The following LEMD1 variants were observed in gnomAD, a reference collection of about 807,000 sequenced individuals.
LEMD1 encodes the protein LEM domain containing 1.
In LEMD1, 18 loss-of-function variants were observed where a neutral mutation model predicts 17.4. The observed-to-expected ratio is 1.04, with a 90% CI of 0.72 to 1.54. LEMD1 has a LOEUF of 1.54. Among genes scored for constraint, LEMD1 ranks in the 40% most tolerant of loss-of-function variants. The pLI is 0.00. For synonymous variants in LEMD1, 88 were observed against 77.8 expected, an observed-to-expected ratio of 1.13 and a Z score of -0.69; for missense variants, 195 against 210.4, an observed-to-expected ratio of 0.93 and a Z score of 0.45.
Position 205,420,616 on chromosome 1 carries a change from CA to C in LEMD1, c.-38-43del, listed in dbSNP as rs1574997607. 4 of 1,052,212 alleles carry C rather than the reference CA, an allele frequency of 3.8e-6. No individual in the cohort carries two copies. The East Asian group carries it at 9.6e-5, about 25-fold the overall frequency. The allele number at this position is 1,052,212 out of a possible 1,614,324, so 65.2% of individuals were successfully genotyped here. ...ATTAAATTCATTAAGACAGCCTTAC[CA>C]ATAAGTACTAAAATGTTACCAATCC... On this transcript the variant is annotated intron_variant, in intron 1 of 5. Coordinates refer to ENST00000367153, the MANE Select transcript of LEMD1 (RefSeq NM_001199050.2).
At chr1:205,438,108 C>A (rs564799180) in intron 1 of LEMD1, among the ~76,000 whole-genome samples, 1 of 152,304 alleles carries the variant, frequency 6.6e-6, no homozygotes, top group East Asian at 1.9e-4. Context: ...CACAAGGACC[C>A]CAAGCACCCT....
chr1:205,419,214 C>G lies in LEMD1; in HGVS notation c.205+16G>C, dbSNP rs377015830. On this transcript the variant is annotated intron_variant, in intron 3 of 5. Transcript: ENST00000367153. ...AGTGCAAAGTTGCCATCTAGCAGTA[C>G]AGCTTATGGCGGTACCTTCGCTGTC... The G allele has an allele frequency of 6.2e-7, 1 of 1,612,040 alleles. No homozygotes were observed. Among genetic ancestry groups the G allele is most frequent in the East Asian group, 2.2e-5 (1 of 44,848 alleles).
chr1:205,406,474 A>G (rs902373086), intron 4 of LEMD1, among the ~76,000 whole-genome samples: 11 of 152,220 alleles, frequency 7.2e-5, no homozygotes, highest in African/African-American at 2.7e-4. Context: ...TGTGCTAGCA[A>G]TCAGCGAGAC....
intron 4 of LEMD1, among the ~76,000 whole-genome samples, chr1:205,415,952 T>C (rs1450492876): frequency 2.6e-5 from 4 of 151,974 alleles, no homozygotes; most frequent in Admixed American, 6.6e-5. Context: ...AGACAACAGA[T>C]AGTGAAAATG....
chr1:205,401,920 T>C (rs1328901086), intron 4 of LEMD1, among the ~76,000 whole-genome samples: 3 of 152,350 alleles, frequency 2.0e-5, no homozygotes, highest in Non-Finnish European at 2.9e-5. Flanking sequence ...TTTCTACATA[T>C]GGCTAGCCAG....
chr1:205,413,655 ATTT>A (rs35717344), intron 4 of LEMD1, among the ~76,000 whole-genome samples: 1 of 78,750 alleles, frequency 1.3e-5, no homozygotes. Context: ...ATAAAATGCC[ATTT>A]TTTTTTTTTT....
Position 205,405,493 on chromosome 1 carries a change from T to C in LEMD1, c.270+10739A>G, listed in dbSNP as rs1054033925. Among the ~76,000 whole-genome samples the C allele has an allele frequency of 9.0e-5, 13 of 144,264 alleles. 1 individual carries two copies. The highest frequency in any genetic ancestry group is 3.5e-3 in the Middle Eastern group (1 of 288). The allele number at this position is 144,264 out of a possible 152,430, so 94.6% of individuals were successfully genotyped here. On this transcript the variant is annotated intron_variant, in intron 4 of 5. Coordinates refer to ENST00000367153, the MANE Select transcript of LEMD1 (RefSeq NM_001199050.2). ...ATACACTTTCTTCCAGTTGATCGCA[T>C]CGGCTCCTGAGGCTTCTGCATTCTT...
In LEMD1 at chr1:205,381,795, A is replaced by G; in HGVS notation, c.409T>C (p.Tyr137His). The change falls in exon 6 of 6, where the codon TAC becomes CAC. Residue 137 changes from tyrosine (Y) to histidine (H), a missense_variant. Tyr to His is a moderately conservative substitution (Grantham distance 83, BLOSUM62 2). Coordinates refer to ENST00000367153, the MANE Select transcript of LEMD1 (RefSeq NM_001199050.2). ...TYGTITKERD[Y>H]CAEDQTIESW... The stretch of plus-strand genomic sequence containing the variant: ...TCGATAGTCTGGTCTTCCGCGCAGT[A>G]GTCTCTCTCTTTGGTGATAGTCCCA... The G allele has an allele frequency of 6.2e-7, 1 of 1,614,174 alleles. No individual in the cohort carries two copies. The highest frequency in any genetic ancestry group is 2.2e-5 in the East Asian group (1 of 44,882).
intron 1 of LEMD1, among the ~76,000 whole-genome samples, chr1:205,434,161 G>A (rs1466850293): frequency 6.8e-6 from 1 of 147,898 alleles, no homozygotes; most frequent in East Asian, 2.0e-4. Flanking sequence ...TAGGTTCTGA[G>A]AAGCCCAACT....
intron 4 of LEMD1, among the ~76,000 whole-genome samples, chr1:205,394,627 C>G (rs955726539): frequency 1.3e-5 from 2 of 152,136 alleles, no homozygotes; most frequent in Admixed American, 1.3e-4. Context: ...TCAGGTGATC[C>G]ACCCGCCTTG....
At chr1:205,408,336 C>G (rs543397385) in intron 4 of LEMD1, among the ~76,000 whole-genome samples, 31 of 152,028 alleles carry the variant, frequency 2.0e-4, no homozygotes, top group Non-Finnish European at 1.0e-4. Flanking sequence ...GGTACACACA[C>G]ACACACACAC....
At chr1:205,403,697 T>G (rs1664958832) in intron 4 of LEMD1, among the ~76,000 whole-genome samples, 1 of 152,158 alleles carries the variant, frequency 6.6e-6, no homozygotes. Flanking sequence ...TTGTCTCTAT[T>G]TCCTTCAGTT....
intron 4 of LEMD1, among the ~76,000 whole-genome samples, chr1:205,408,225 T>TGGAGGTG (rs1558724910): frequency 2.0e-5 from 3 of 152,132 alleles, no homozygotes; most frequent in Non-Finnish European, 4.4e-5. Flanking sequence ...ATGGTGGTTA[T>TGGAGGTG]GTAGGAGAGT....
At chr1:205,425,645 G>A (rs1666044828), upstream of LEMD1, among the ~76,000 whole-genome samples, 1 of 152,204 alleles carries the variant, frequency 6.6e-6, no homozygotes. Flanking sequence ...AGCCGGTGTA[G>A]TGGGGGAAAT....
chr1:205,406,540 G>T (rs561101651), intron 4 of LEMD1, among the ~76,000 whole-genome samples: 1 of 152,234 alleles, frequency 6.6e-6, no homozygotes, highest in Non-Finnish European at 1.5e-5. Flanking sequence ...CTGGTGCACC[G>T]TTTCCTAAGC....
intron 4 of LEMD1, among the ~76,000 whole-genome samples, chr1:205,405,571 C>CT (rs1448348371): frequency 6.8e-6 from 1 of 147,060 alleles, no homozygotes; most frequent in Non-Finnish European, 1.5e-5. Flanking sequence ...TTAAGCACTT[C>CT]TCTGTATTGG....
chr1:205,396,603 G>A (rs1021338929), intron 4 of LEMD1, among the ~76,000 whole-genome samples: 17 of 150,916 alleles, frequency 1.1e-4, no homozygotes, highest in Admixed American at 9.3e-4. Context: ...CTATATAGCA[G>A]TGAAAATAAA....
At chr1:205,411,211 AAAGAAAGG>A (rs1239529381) in intron 4 of LEMD1, among the ~76,000 whole-genome samples, 1 of 147,144 alleles carries the variant, frequency 6.8e-6, no homozygotes, top group African/African-American at 2.5e-5. Flanking sequence ...AGGAAGAAAG[AAAGAAAGG>A]AAGGAAGGAG....
intron 1 of LEMD1, among the ~76,000 whole-genome samples, chr1:205,428,113 T>C (rs1666080601): frequency 6.6e-6 from 1 of 152,202 alleles, no homozygotes; most frequent in South Asian, 2.1e-4. Flanking sequence ...TGGGAGCCAC[T>C]GAAGATTTTA....
Sources: allele counts gnomAD v4.1 joint callset (sites outside exome capture counted in the v4.1 genomes callset), GRCh38; gene constraint gnomAD v4.1.1; transcripts MANE v1.5; gene names NCBI Gene and HGNC (gene_info 2026-07-23, HGNC 2026-07-21).